N4BP2: variants seen among roughly 807,000 people sequenced by gnomAD.
N4BP2 encodes the protein NEDD4 binding protein 2.
N4BP2 carries 91 observed loss-of-function variants against 152.8 expected under a neutral mutation model. The ratio of observed to expected loss-of-function variants is 0.60; its 90% confidence interval spans 0.50 to 0.71. The LOEUF (loss-of-function observed/expected upper bound fraction) is 0.71, where lower values mean the gene tolerates loss of function less well. N4BP2 is among the 30% of genes least tolerant of loss of function. The probability of loss-of-function intolerance (pLI) is 0.00; values close to 1 mark genes in which losing one functional copy is unlikely to be tolerated. For synonymous variants in N4BP2, 646 were observed against 705.3 expected (o/e 0.92, Z 1.33); for missense variants, 1,923 against 2,059.1 (o/e 0.93, Z 1.28).
At chr4:40,081,703 C>T (rs1211770091) in intron 2 of N4BP2, among the ~76,000 whole-genome samples, 7 of 151,714 alleles carry the variant, frequency 4.6e-5, no homozygotes, top group Non-Finnish European at 1.0e-4. Flanking sequence ...AGGCTGGGCA[C>T]AGTGGCTCAT....
At chr4:40,146,802 A>G (rs1184069347) in intron 16 of N4BP2, among the ~76,000 whole-genome samples, 1 of 145,604 alleles carries the variant, frequency 6.9e-6, no homozygotes, top group Non-Finnish European at 1.5e-5. Flanking sequence ...TTTGACCAGC[A>G]TTTCATTTCC....
At chr4:40,138,943 A>T (rs1477735916) in intron 14 of N4BP2, among the ~76,000 whole-genome samples, 1 of 152,130 alleles carries the variant, frequency 6.6e-6, no homozygotes, top group African/African-American at 2.4e-5. Flanking sequence ...TTTTAGGATT[A>T]GTTTGTGAAT....
At chr4:40,178,051 T>G in the N4BP2 span, among the ~76,000 whole-genome samples, 1,989 of 152,158 alleles carry the variant, frequency 0.013, 44 homozygotes, top group African/African-American at 0.046. Context: ...TCCTAGCTAC[T>G]CAGGAGGCTG....
At chr4:40,078,548 A>G (rs916587251) in intron 2 of N4BP2, among the ~76,000 whole-genome samples, 1 of 149,548 alleles carries the variant, frequency 6.7e-6, no homozygotes, top group African/African-American at 2.5e-5. Flanking sequence ...TCTTTGAGTC[A>G]GGGTCTCGCT....
At chr4:40,169,154 G>T in the N4BP2 span, among the ~76,000 whole-genome samples, 1 of 151,976 alleles carries the variant, frequency 6.6e-6, no homozygotes, top group Non-Finnish European at 1.5e-5. Flanking sequence ...AGGCCAAGGC[G>T]GGGGGATCAT....
At chr4:40,093,862 A>C (rs1714863951) in intron 2 of N4BP2, among the ~76,000 whole-genome samples, 2 of 152,066 alleles carry the variant, frequency 1.3e-5, no homozygotes, top group African/African-American at 4.8e-5. Context: ...GGCCTCCCAA[A>C]GTGCTGCAAT....
At position 40,103,003 on chromosome 4, in the gene N4BP2, A is replaced by G; in HGVS notation, c.1158A>G (p.Thr386=). 6.2e-7 allele frequency: 1 copy of G among 1,614,146 alleles called. No homozygotes were observed. The highest frequency in any genetic ancestry group is 8.5e-7 in the Non-Finnish European group (1 of 1,180,004). ...GCTTTGTAGCTCCTGTTGTAACCACAGCTGCACACTGGAGATCTGTCAACT... is the reference window on the plus strand; with the variant it reads ...GCTTTGTAGCTCCTGTTGTAACCACGGCTGCACACTGGAGATCTGTCAACT... ...NHGFVAPVVT[T]AAHWRSVNYT... is the part of the protein sequence containing the mutation. Residue 386 remains threonine (T), a synonymous_variant, in exon 4 of 18, where the codon ACA becomes ACG. Coordinates refer to ENST00000261435, the MANE Select transcript of N4BP2 (RefSeq NM_018177.6).
chr4:40,167,540 C>T, the N4BP2 span: 2 of 152,166 alleles, frequency 1.3e-5, no homozygotes, highest in African/African-American at 4.8e-5. Flanking sequence ...CAAGAAGTCT[C>T]TTTCCAGCCA....
chr4:40,078,880 G>GT (rs143407209), intron 2 of N4BP2, among the ~76,000 whole-genome samples: 2,606 of 151,556 alleles, frequency 0.017, 90 homozygotes, highest in African/African-American at 0.059. Flanking sequence ...ACTGCATTTT[G>GT]TTTTTTTTAA....
intron 11 of N4BP2, among the ~76,000 whole-genome samples, chr4:40,124,717 A>G (rs1013355679): frequency 6.6e-6 from 1 of 152,178 alleles, no homozygotes; most frequent in African/African-American, 2.4e-5. Flanking sequence ...AAAAGCCCCT[A>G]TAATGTATAT....
chr4:40,110,758 G>A (rs1191279985), intron 5 of N4BP2, among the ~76,000 whole-genome samples: 3 of 152,058 alleles, frequency 2.0e-5, no homozygotes, highest in African/African-American at 4.8e-5. Context: ...GGATGGTCTC[G>A]AACTCCTAAC....
chr4:40,095,123 G>A (rs1714991858), intron 2 of N4BP2, among the ~76,000 whole-genome samples: 1 of 150,742 alleles, frequency 6.6e-6, no homozygotes, highest in South Asian at 2.1e-4. Flanking sequence ...TGCTCTTGTT[G>A]CCCAGGCTGG....
At chr4:40,150,969 T>C (rs552293373) in intron 16 of N4BP2, among the ~76,000 whole-genome samples, 216 of 152,328 alleles carry the variant, frequency 1.4e-3, no homozygotes, top group South Asian at 3.5e-3. Flanking sequence ...TTATGAGGTA[T>C]GTACTGAAAT....
At chr4:40,132,821 A>C (rs1719016063) in intron 13 of N4BP2, among the ~76,000 whole-genome samples, 1 of 125,138 alleles carries the variant, frequency 8.0e-6, no homozygotes, top group South Asian at 3.2e-4. Context: ...AATAAAACCT[A>C]CTTTACTTTC....
intron 1 of N4BP2, among the ~76,000 whole-genome samples, chr4:40,066,714 C>T (rs2109890910): frequency 6.6e-6 from 1 of 152,238 alleles, no homozygotes; most frequent in South Asian, 2.1e-4. Flanking sequence ...TTAAGCTACT[C>T]ATAGTTTTTT....
intron 11 of N4BP2, 116 bp from the exon 12 acceptor site, chr4:40,126,018 A>G: frequency 1.7e-6 from 1 of 588,706 alleles, no homozygotes; most frequent in Non-Finnish European, 2.8e-6. Flanking sequence ...TTATATTTAC[A>G]AACTGAAAAT....
chr4:40,061,078 G>A (rs1004474675), intron 1 of N4BP2, among the ~76,000 whole-genome samples: 3 of 151,832 alleles, frequency 2.0e-5, no homozygotes, highest in Non-Finnish European at 4.4e-5. Flanking sequence ...GCCTCCTAAA[G>A]CCCTAGAATT....
chr4:40,176,689 C>G, the N4BP2 span, among the ~76,000 whole-genome samples: 3 of 152,246 alleles, frequency 2.0e-5, no homozygotes, highest in Non-Finnish European at 4.4e-5. Context: ...TTCAAGCTCC[C>G]TGTGCTAGAA....
At chr4:40,143,456 G>A (rs1281219428) in intron 15 of N4BP2, among the ~76,000 whole-genome samples, 2 of 152,014 alleles carry the variant, frequency 1.3e-5, no homozygotes, top group Admixed American at 6.6e-5. Flanking sequence ...TGGGACTACA[G>A]GCACGTGCCA....
Sources: allele counts gnomAD v4.1 joint callset (sites outside exome capture counted in the v4.1 genomes callset), GRCh38; gene constraint gnomAD v4.1.1; transcripts MANE v1.5; gene names NCBI Gene and HGNC (gene_info 2026-07-23, HGNC 2026-07-21).